BTK: variants seen among roughly 807,000 people sequenced by gnomAD.
BTK encodes the protein Bruton tyrosine kinase.
Under a neutral mutation model 57.4 loss-of-function variants are expected in BTK, and 5 were observed. The observed-to-expected ratio is 0.09, with a 90% CI of 0.05 to 0.18. The LOEUF (loss-of-function observed/expected upper bound fraction) is 0.18. Ranked by LOEUF, BTK falls within the 10% of genes least tolerant of loss-of-function variation. BTK has a pLI of 1.00. For synonymous variants in BTK, 154 were observed against 174.3 expected, an observed-to-expected ratio of 0.88 and a Z score of 0.92; for missense variants, 194 against 501.2, an observed-to-expected ratio of 0.39 and a Z score of 5.85.
intron 1 of BTK, among the ~76,000 whole-genome samples, chrX:101,378,228 C>T (rs1210661693): frequency 9.1e-6 from 1 of 110,309 alleles, no homozygotes; most frequent in Non-Finnish European, 1.9e-5. Context: ...GGATTACAGG[C>T]GTGTGCCACC....
At chrX:101,387,327 G>A (rs1927645099), upstream of BTK, among the ~76,000 whole-genome samples, 1 of 97,091 alleles carries the variant, frequency 1.0e-5, no homozygotes, top group Admixed American at 1.1e-4. Flanking sequence ...TCACCCCCAA[G>A]CCCCAACAGG....
At chrX:101,367,637 AAAATAAAT>A (rs60295371) in intron 5 of BTK, among the ~76,000 whole-genome samples, 2,337 of 102,192 alleles carry the variant, frequency 0.023, 30 homozygotes, top group African/African-American at 0.045. Flanking sequence ...ACTCCATCTC[AAAATAAAT>A]AAATAAATAA....
intron 1 of BTK, among the ~76,000 whole-genome samples, chrX:101,377,131 A>G (rs781979540): frequency 2.7e-5 from 3 of 111,329 alleles, no homozygotes; most frequent in South Asian, 7.5e-4. Flanking sequence ...CCTGCCACAC[A>G]CCCTGACTCC....
chrX:101,350,054 C>A, intron 18 of BTK, 98 bp from the exon 19 acceptor site: 17 of 542,162 alleles, frequency 3.1e-5, no homozygotes, highest in Non-Finnish European at 4.2e-5. Context: ...AATATATGCT[C>A]TATGCCCAGT....
chrX:101,352,928 T>A, intron 18 of BTK: 1 of 274,966 alleles, frequency 3.6e-6, no homozygotes, highest in Non-Finnish European at 6.2e-6. Flanking sequence ...TAGCTTGGTG[T>A]GGTGGTGCAC....
intron 1 of BTK, among the ~76,000 whole-genome samples, chrX:101,376,977 AG>A (rs1332542136): frequency 9.0e-6 from 1 of 111,421 alleles, no homozygotes; most frequent in Non-Finnish European, 1.9e-5. Flanking sequence ...AATACGTCAA[AG>A]GAACACCAGG....
At chrX:101,378,041 T>C (rs1927271755) in intron 1 of BTK, 1 of 111,196 alleles carries the variant, frequency 9.0e-6, no homozygotes, top group Non-Finnish European at 1.9e-5. Context: ...AAAAAGTAGT[T>C]AGAGGGTAAA....
chrX:101,364,593 T>C (rs61060790), intron 5 of BTK, among the ~76,000 whole-genome samples: 25,135 of 107,189 alleles, frequency 0.23, 2,438 homozygotes, highest in African/African-American at 0.31. Context: ...TTGGTACTTT[T>C]CTCCACATAG....
Position 101,362,642 on chromosome X carries a change from A to G in BTK, c.439T>C (p.Trp147Arg). The stretch of plus-strand genomic sequence containing the variant: ...CAGCAGAGATACTGCCCATCGATCC[A>G]GAAGCAAGGGTGATATTTCTGAACC... Reference protein sequence around the residue: ...DLVQKYHPCFWIDGQYLCCSQ... With the variant: ...DLVQKYHPCFRIDGQYLCCSQ... The change falls in exon 6 of 19, where the codon TGG becomes CGG. Residue 147 changes from tryptophan to arginine, a missense_variant. Trp to Arg is a moderately radical substitution (Grantham distance 101). Transcript: ENST00000308731. 1 of 1,212,307 alleles carries G rather than the reference A, an allele frequency of 8.2e-7. No individual in the cohort carries two copies. Among genetic ancestry groups the G allele is most frequent in the Non-Finnish European group, 1.1e-6 (1 of 895,579 alleles).
intron 1 of BTK, among the ~76,000 whole-genome samples, chrX:101,376,674 C>T (rs1011836638): frequency 1.8e-5 from 2 of 108,384 alleles, no homozygotes; most frequent in East Asian, 2.9e-4. Context: ...AAGTAAGTAA[C>T]GAAAAAACCA....
Position 101,358,122 on chromosome X carries a change from G to C in BTK, c.1102+188C>G, listed in dbSNP as rs782057477. On this transcript the variant is annotated intron_variant, in intron 12 of 18. Coordinates refer to ENST00000308731, the MANE Select transcript of BTK (RefSeq NM_000061.3). ...CTGAACATCAATCACCAAATAAAGA[G>C]TCAGTCCCTGTTGGGTGTAGGTCTG... 3 of 613,815 alleles carry C rather than the reference G, an allele frequency of 4.9e-6. No homozygotes were observed. In the South Asian group the frequency reaches 6.7e-5, roughly 14 times the overall value. 50.6% of individuals were successfully genotyped at this position (613,815 alleles called of 1,213,427 possible). A position where few individuals can be genotyped will look rare whatever the true frequency, so the allele number is the denominator to read the frequency against.
chrX:101,353,037 A>C, intron 18 of BTK, 157 bp downstream of exon 18: 3 of 535,441 alleles, frequency 5.6e-6, no homozygotes, highest in Non-Finnish European at 6.0e-6. Flanking sequence ...CTGTACTCCA[A>C]CCTGGGTGAA....
At chrX:101,381,079 T>C (rs1555981684) in intron 1 of BTK, among the ~76,000 whole-genome samples, 1 of 108,898 alleles carries the variant, frequency 9.2e-6, no homozygotes, top group East Asian at 2.8e-4. Flanking sequence ...ACTTGCTTTT[T>C]TCCCCTCAAT....
intron 1 of BTK, among the ~76,000 whole-genome samples, chrX:101,379,609 C>T (rs945439724): frequency 1.6e-4 from 18 of 112,110 alleles, no homozygotes; most frequent in Admixed American, 1.1e-3. Flanking sequence ...CACTGCCTAC[C>T]GGAGGGATTT....
chrX:101,385,057 C>A (rs1463418111), intron 1 of BTK, among the ~76,000 whole-genome samples: 1 of 111,391 alleles, frequency 9.0e-6, no homozygotes, highest in Non-Finnish European at 1.9e-5. Context: ...TTACTGCTCA[C>A]AACCACCTTA....
intron 12 of BTK, 88 bp downstream of exon 12, chrX:101,358,222 G>A: frequency 8.6e-7 from 1 of 1,157,359 alleles, no homozygotes; most frequent in Non-Finnish European, 1.2e-6. Flanking sequence ...ACACTGTCCT[G>A]TGAGGCAGAT....
intron 8 of BTK, 145 bp downstream of exon 8, chrX:101,360,423 A>C: frequency 4.7e-6 from 3 of 645,015 alleles, no homozygotes; most frequent in Non-Finnish European, 7.3e-6. Flanking sequence ...CACGCTGGGA[A>C]GTACTTGGAG....
intron 1 of BTK, among the ~76,000 whole-genome samples, chrX:101,381,004 C>T (rs1367957036): frequency 2.6e-5 from 2 of 75,772 alleles, no homozygotes; most frequent in East Asian, 7.9e-4. Flanking sequence ...GAAACTCGGT[C>T]GCGAAAAAAA....
chrX:101,362,517 A>ACT (rs1163657485), intron 6 of BTK, 44 bp downstream of exon 6: 1 of 1,208,306 alleles, frequency 8.3e-7, no homozygotes, highest in Non-Finnish European at 1.1e-6. Flanking sequence ...AGAGTGATGG[A>ACT]AACAGTCAAA....
Sources: gnomAD v4.1 joint callset for allele counts (sites outside exome capture counted in the v4.1 genomes callset) on GRCh38, gnomAD v4.1.1 for gene constraint, MANE v1.5 for transcripts, NCBI Gene and HGNC (gene_info 2026-07-23, HGNC 2026-07-21) for gene names.